Variants in NRG3 observed in about 807,000 individuals in gnomAD.
NRG3 encodes neuregulin 3, also known as pro-neuregulin-3, membrane-bound isoform.
In NRG3, 31 loss-of-function variants were observed where a neutral mutation model predicts 66.9. The observed-to-expected ratio is 0.46, with a 90% confidence interval of 0.35 to 0.63. The LOEUF (loss-of-function observed/expected upper bound fraction) is 0.63. NRG3 is among the 20% of genes least tolerant of loss of function. NRG3 has a pLI of 0.00. For missense variants in NRG3, 910 were observed against 878.9 expected (o/e 1.04, Z -0.45); for synonymous variants, 393 against 359.4 (o/e 1.09, Z -1.06).
intron 2 of NRG3, among the ~76,000 whole-genome samples, chr10:82,582,654 T>G (rs558770254): frequency 2.8e-5 from 4 of 144,134 alleles, no homozygotes; most frequent in African/African-American, 1.1e-4. Flanking sequence ...GAAAAATATC[T>G]ATATGTGTTG....
intron 1 of NRG3, among the ~76,000 whole-genome samples, chr10:82,154,402 G>C (rs1013753129): frequency 2.0e-5 from 3 of 151,896 alleles, no homozygotes; most frequent in Non-Finnish European, 4.4e-5. Flanking sequence ...GTTTATTTCA[G>C]GGCTCTCTGT....
intron 1 of NRG3, among the ~76,000 whole-genome samples, chr10:82,325,217 C>A (rs950069579): frequency 5.3e-5 from 8 of 151,562 alleles, no homozygotes; most frequent in Non-Finnish European, 2.9e-5. Flanking sequence ...GTTTTCACAC[C>A]GTTGCCCAGG....
Position 82,313,794 on chromosome 10 carries a change from G to A in NRG3, c.824-44945G>A, listed in dbSNP as rs78558871. 5.9e-5 allele frequency among the ~76,000 whole-genome samples: 9 copies of A among 152,256 alleles called. No individual in the cohort carries two copies. The East Asian group carries it at 7.7e-4, about 13-fold the overall frequency. ...CCACATCCATTTTATCCTCTCTGGC[G>A]ATTGAAGGCTTGGGGGAAAACAGAA... is the stretch of plus-strand genomic sequence containing the variant. On this transcript the variant is annotated intron_variant, in intron 1 of 8. Transcript: ENST00000372141.
intron 1 of NRG3, among the ~76,000 whole-genome samples, chr10:82,144,545 T>C (rs988006087): frequency 1.6e-4 from 25 of 152,080 alleles, no homozygotes; most frequent in African/African-American, 6.0e-4. Flanking sequence ...TAAAAGAGAG[T>C]AGTCTCATGG....
At chr10:82,309,647 TATTG>T (rs2080923751) in intron 1 of NRG3, among the ~76,000 whole-genome samples, 1 of 152,014 alleles carries the variant, frequency 6.6e-6, no homozygotes, top group South Asian at 2.1e-4. Flanking sequence ...AAATCATCTG[TATTG>T]CAGGTTAGGG....
chr10:82,664,102 C>T (rs1454964654), intron 2 of NRG3, among the ~76,000 whole-genome samples: 2 of 152,170 alleles, frequency 1.3e-5, no homozygotes, highest in Non-Finnish European at 2.9e-5. Context: ...CTGCTTTTCT[C>T]TTACACCTTT....
chr10:82,448,641 A>G (rs981616289), intron 2 of NRG3, among the ~76,000 whole-genome samples: 1 of 152,184 alleles, frequency 6.6e-6, no homozygotes, highest in Non-Finnish European at 1.5e-5. Context: ...GCTCCCCTGT[A>G]TTAGAATGCT....
At chr10:82,838,836 T>A (rs774927280) in intron 3 of NRG3, among the ~76,000 whole-genome samples, 4 of 152,124 alleles carry the variant, frequency 2.6e-5, no homozygotes, top group Non-Finnish European at 4.4e-5. Flanking sequence ...TACCCGAGAC[T>A]GGGTAATTTA....
intron 1 of NRG3, among the ~76,000 whole-genome samples, chr10:82,308,421 T>A (rs1461562149): frequency 6.6e-6 from 1 of 152,088 alleles, no homozygotes; most frequent in Admixed American, 6.5e-5. Context: ...TCTCTGAGAT[T>A]TTTCTGCTTC....
intron 1 of NRG3, among the ~76,000 whole-genome samples, chr10:82,003,690 G>A (rs150180787): frequency 1.1e-4 from 16 of 152,304 alleles, no homozygotes; most frequent in Non-Finnish European, 2.1e-4. Context: ...AAATGCCAGA[G>A]AAGGTTTATC....
At chr10:81,897,606 G>A (rs1325739690) in intron 1 of NRG3, among the ~76,000 whole-genome samples, 2 of 152,058 alleles carry the variant, frequency 1.3e-5, no homozygotes, top group Admixed American at 6.6e-5. Flanking sequence ...TGGATTGGGT[G>A]GGGGGATGGG....
At chr10:82,297,916 C>A (rs1017295914) in intron 1 of NRG3, among the ~76,000 whole-genome samples, 1 of 151,888 alleles carries the variant, frequency 6.6e-6, no homozygotes, top group African/African-American at 2.4e-5. Flanking sequence ...CCAAGACAGG[C>A]GAATTGCTTG....
intron 2 of NRG3, among the ~76,000 whole-genome samples, chr10:82,601,879 T>C (rs2047655608): frequency 6.8e-6 from 1 of 147,160 alleles, no homozygotes; most frequent in Non-Finnish European, 1.5e-5. Flanking sequence ...TATATATAAC[T>C]ATATATACAA....
chr10:82,235,934 C>T (rs2133942903), intron 1 of NRG3, among the ~76,000 whole-genome samples: 1 of 152,106 alleles, frequency 6.6e-6, no homozygotes, highest in South Asian at 2.1e-4. Flanking sequence ...ACTGGATCTA[C>T]AATGAACATT....
intron 1 of NRG3, among the ~76,000 whole-genome samples, chr10:82,083,595 ATT>A (rs35927277): frequency 0.035 from 3,986 of 115,354 alleles, 157 homozygotes; most frequent in African/African-American, 0.11. Flanking sequence ...CCATTTGTTA[ATT>A]TTTTTTTTTT....
At chr10:82,037,345 G>A (rs911019264) in intron 1 of NRG3, among the ~76,000 whole-genome samples, 14 of 152,242 alleles carry the variant, frequency 9.2e-5, no homozygotes, top group African/African-American at 3.4e-4. Flanking sequence ...AGAATGTGGA[G>A]CTCAGCAGTT....
chr10:82,194,412 A>G (rs2074339419), intron 1 of NRG3, among the ~76,000 whole-genome samples: 1 of 152,122 alleles, frequency 6.6e-6, no homozygotes, highest in African/African-American at 2.4e-5. Flanking sequence ...GAGTGCTTTG[A>G]GAACAAAGTC....
intron 2 of NRG3, among the ~76,000 whole-genome samples, chr10:82,637,045 A>G (rs1192093118): frequency 6.6e-6 from 1 of 152,166 alleles, no homozygotes; most frequent in Non-Finnish European, 1.5e-5. Flanking sequence ...ATTTTTGCTA[A>G]ATGACTAGAT....
chr10:82,919,093 GTGTGTGTA>G (rs560621899), intron 4 of NRG3, among the ~76,000 whole-genome samples: 9,803 of 146,800 alleles, frequency 0.067, 368 homozygotes, highest in Admixed American at 0.12. Flanking sequence ...GTGTGTGTGT[GTGTGTGTA>G]TGTGTGTGTG....
Sources: allele counts gnomAD v4.1 joint callset (sites outside exome capture counted in the v4.1 genomes callset), GRCh38; gene constraint gnomAD v4.1.1; transcripts MANE v1.5; gene names NCBI Gene and HGNC (gene_info 2026-07-23, HGNC 2026-07-21).